Variants in ATF7 observed in about 807,000 individuals in gnomAD.
ATF7 encodes the protein cyclic AMP-dependent transcription factor ATF-7.
ATF7 carries 10 observed loss-of-function variants against 50.4 expected under a neutral mutation model. The ratio of observed to expected loss-of-function variants is 0.20; its 90% CI spans 0.12 to 0.34. ATF7 has a LOEUF of 0.34. ATF7 is among the 10% of genes least tolerant of loss of function. The probability of loss-of-function intolerance (pLI) is 1.00; values close to 1 mark genes in which losing one functional copy is unlikely to be tolerated. For synonymous variants in ATF7, 201 were observed against 226.4 expected (o/e 0.89, Z 1.01); for missense variants, 465 against 613.9 (o/e 0.76, Z 2.56).
chr12:53,524,578 T>A lies in ATF7; in HGVS notation c.1111A>T (p.Asn371Tyr). The stretch of plus-strand genomic sequence containing the variant: ...GACCCACTCACACTCAGCTGAATGT[T>A]CTGAGAAGTGAGTTCTTCGGCCTTC... ...EKKAEELTSQ[N>Y]IQLSNEVTLL... The change falls in exon 10 of 12, where the codon AAC becomes TAC. Residue 371 changes from asparagine to tyrosine, a missense_variant. Transcript: ENST00000420353. This position sits in a 1 kb window ranked among gnomAD's most constrained non-coding sequence, Gnocchi z 4.6. 1.2e-6 allele frequency: 2 copies of A among 1,613,956 alleles called. No homozygotes were observed. The highest frequency in any genetic ancestry group is 1.7e-6 in the Non-Finnish European group (2 of 1,179,900).
chr12:53,584,032 T>A (rs1204289227), intron 2 of ATF7, among the ~76,000 whole-genome samples: 11 of 152,094 alleles, frequency 7.2e-5, no homozygotes, highest in Non-Finnish European at 1.6e-4. Context: ...CAGGCTGGAG[T>A]ACAGTGGCGT....
chr12:53,587,839 ATATATTTTTTT>A (rs1942772791), intron 2 of ATF7, among the ~76,000 whole-genome samples: 1 of 62,992 alleles, frequency 1.6e-5, no homozygotes, highest in South Asian at 1.0e-3. Flanking sequence ...ATATATATAT[ATATATTTTTTT>A]TTTTTTTTCT....
chr12:53,555,363 G>A (rs1940663600), intron 2 of ATF7, among the ~76,000 whole-genome samples: 1 of 151,528 alleles, frequency 6.6e-6, no homozygotes, highest in African/African-American at 2.4e-5. Context: ...GGGAAGGAGG[G>A]AATAGTGTAT....
At chr12:53,589,990 A>G (rs893481811) in intron 2 of ATF7, among the ~76,000 whole-genome samples, 3 of 152,046 alleles carry the variant, frequency 2.0e-5, no homozygotes, top group African/African-American at 7.2e-5. Flanking sequence ...GCTGATCTCG[A>G]ACCCCTGGCT....
intron 1 of ATF7, among the ~76,000 whole-genome samples, chr12:53,618,578 A>G (rs532622257): frequency 3.3e-5 from 5 of 152,138 alleles, no homozygotes; most frequent in Admixed American, 6.5e-5. Context: ...CTGCCAATGT[A>G]AAGTCTTTAG....
At chr12:53,572,939 C>A (rs987920299) in intron 2 of ATF7, among the ~76,000 whole-genome samples, 1 of 151,980 alleles carries the variant, frequency 6.6e-6, no homozygotes, top group Non-Finnish European at 1.5e-5. Flanking sequence ...GTGTGCACCA[C>A]CACACCCAGC....
At chr12:53,608,157 T>C (rs1943693640) in intron 1 of ATF7, among the ~76,000 whole-genome samples, 1 of 149,222 alleles carries the variant, frequency 6.7e-6, no homozygotes, top group Admixed American at 6.7e-5. Flanking sequence ...GAGGCAGAGG[T>C]TGCAGTGAGC....
At chr12:53,606,422 A>G (rs1363605687) in intron 1 of ATF7, among the ~76,000 whole-genome samples, 1 of 151,930 alleles carries the variant, frequency 6.6e-6, no homozygotes, top group Non-Finnish European at 1.5e-5. Context: ...CTAATTTTGT[A>G]TTTTTAGTAG....
rs372120946 is a variant in ATF7, at chr12:53,548,418, A to G, written c.145+4123T>C. On this transcript the variant is annotated intron_variant, in intron 3 of 11. Transcript: ENST00000420353. ...ATGATCATAGCTCACTGTAACCTCA[A>G]TCTCTTGGGTTCAAGTGATTCTCCT... Among the ~76,000 whole-genome samples, 43 of 152,164 alleles carry G rather than the reference A, an allele frequency of 2.8e-4. No individual in the cohort carries two copies. The South Asian group carries it at 8.1e-3, about 29-fold the overall frequency.
intron 1 of ATF7, among the ~76,000 whole-genome samples, chr12:53,617,637 T>A (rs543298828): frequency 5.2e-4 from 79 of 152,050 alleles, no homozygotes; most frequent in South Asian, 8.3e-4. Flanking sequence ...TCAAAAAAAA[T>A]TTTTTTAAAT....
At chr12:53,597,478 T>C (rs1032594404) in intron 2 of ATF7, among the ~76,000 whole-genome samples, 15 of 152,286 alleles carry the variant, frequency 9.8e-5, no homozygotes, top group Middle Eastern at 3.4e-3. Flanking sequence ...GGAGCAGATA[T>C]TGACATAATG....
At chr12:53,550,343 T>TA (rs1565944505) in intron 3 of ATF7, among the ~76,000 whole-genome samples, 13 of 136,850 alleles carry the variant, frequency 9.5e-5, no homozygotes, top group Admixed American at 3.0e-4. Flanking sequence ...AATAAATAAA[T>TA]AAATAAATAA....
At chr12:53,534,727 T>C (rs1381789372) in intron 5 of ATF7, 68 bp from the exon 6 acceptor site, 2 of 1,495,628 alleles carry the variant, frequency 1.3e-6, no homozygotes, top group Admixed American at 4.8e-5. Context: ...ATATAGATGG[T>C]AAAATCTAGT....
rs1015456566 is a variant in ATF7 at position 53,515,652 on chromosome 12, G to A, written c.*1485C>T. On this transcript the variant is annotated 3_prime_UTR_variant, in exon 12 of 12. Coordinates refer to ENST00000420353, the MANE Select transcript of ATF7 (RefSeq NM_006856.3). Reference sequence around the variant, plus strand: ...AACCCAACTCTTCAAAGTAAGAATGGTTGAGAGCAATAGTCACCAATTTCC... The same window carrying A: ...AACCCAACTCTTCAAAGTAAGAATGATTGAGAGCAATAGTCACCAATTTCC... 6 of 152,228 alleles carry A rather than the reference G, an allele frequency of 3.9e-5. No individual in the cohort carries two copies. The highest frequency in any genetic ancestry group is 1.4e-4 in the African/African-American group (6 of 41,456). The allele number at this position is 152,228 out of a possible 1,614,324, so 9.4% of individuals were successfully genotyped here. A position where few individuals can be genotyped will look rare whatever the true frequency, so the allele number is the denominator to read the frequency against.
In ATF7 at chr12:53,533,312, T is replaced by C; in HGVS notation, c.561-53A>G. On this transcript the variant is annotated intron_variant, in intron 6 of 11. Coordinates refer to ENST00000420353, the MANE Select transcript of ATF7 (RefSeq NM_006856.3). ...ATAACACAGACCTTTTGTCCATGGA[T>C]CTTCCTCTTATAATTACAGAAGATT... The C allele has an allele frequency of 2.1e-6, 3 of 1,416,156 alleles. No homozygotes were observed. The South Asian group carries it at 3.5e-5, about 16-fold the overall frequency. The allele number at this position is 1,416,156 out of a possible 1,614,324, so 87.7% of individuals were successfully genotyped here. A position where few individuals can be genotyped will look rare whatever the true frequency, so the allele number is the denominator to read the frequency against.
intron 2 of ATF7, among the ~76,000 whole-genome samples, chr12:53,568,337 T>C (rs1941564157): frequency 6.6e-6 from 1 of 151,376 alleles, no homozygotes; most frequent in South Asian, 2.1e-4. Context: ...CGTGCTCACA[T>C]GCACTCGTCT....
intron 2 of ATF7, among the ~76,000 whole-genome samples, chr12:53,561,627 T>C (rs900393000): frequency 6.6e-6 from 1 of 152,150 alleles, no homozygotes; most frequent in Non-Finnish European, 1.5e-5. Flanking sequence ...AATACACACA[T>C]ACTTCAAACC....
chr12:53,574,882 C>A, intron 2 of ATF7: 1 of 353,142 alleles, frequency 2.8e-6, no homozygotes, highest in Non-Finnish European at 5.4e-6. Flanking sequence ...GGGGAGCATT[C>A]AAGTGTGCAG....
chr12:53,625,693 G>A (rs1944577352), intron 1 of ATF7, among the ~76,000 whole-genome samples: 1 of 151,998 alleles, frequency 6.6e-6, no homozygotes, highest in South Asian at 2.1e-4. Context: ...CAAACCCAAC[G>A]GGGTGTTGTG....
Sources: allele counts gnomAD v4.1 joint callset (sites outside exome capture counted in the v4.1 genomes callset), GRCh38; gene constraint gnomAD v4.1.1; non-coding constraint Gnocchi (gnomAD v3.1); transcripts MANE v1.5; gene names NCBI Gene and HGNC (gene_info 2026-07-23, HGNC 2026-07-21).